Variants in SPHKAP observed in about 807,000 individuals in gnomAD.
SPHKAP encodes SPHK1 interactor, AKAP domain containing.
Under a neutral mutation model 137.5 loss-of-function variants are expected in SPHKAP, and 67 were observed. The ratio of observed to expected loss-of-function variants is 0.49; its 90% CI spans 0.40 to 0.60. The LOEUF is 0.60. SPHKAP is among the 20% of genes least tolerant of loss of function. The pLI is 0.00. For synonymous variants in SPHKAP, 813 were observed against 785.3 expected, an observed-to-expected ratio of 1.04 and a Z score of -0.59; for missense variants, 2,097 against 2,069.3, an observed-to-expected ratio of 1.01 and a Z score of -0.26.
At chr2:228,178,309 T>C (rs1023584020) in intron 1 of SPHKAP, among the ~76,000 whole-genome samples, 4 of 152,232 alleles carry the variant, frequency 2.6e-5, no homozygotes, top group Admixed American at 6.5e-5. Context: ...TTAATTTCCT[T>C]TGGCTTCAGA....
intron 3 of SPHKAP, among the ~76,000 whole-genome samples, chr2:228,045,275 G>A (rs12999398): frequency 0.36 from 52,778 of 144,648 alleles, 10,001 homozygotes; most frequent in Middle Eastern, 0.49. Context: ...TATAAATCAT[G>A]CTGCTATAAA....
chr2:228,181,430 C>T lies in SPHKAP; in HGVS notation c.32+137G>A, dbSNP rs1700908991. ...AGCGAGGCTGGGCCGGACTTATTTA[C>T]AAGTGCAGTGACCCCTGTCTCCTCG... On this transcript the variant is annotated intron_variant, in intron 1 of 11. Coordinates refer to ENST00000392056, the MANE Select transcript of SPHKAP (RefSeq NM_001142644.2). This position sits in a 1 kb window ranked among gnomAD's most constrained non-coding sequence, Gnocchi z 4.3. The T allele has an allele frequency of 8.2e-7, 1 of 1,222,838 alleles. No homozygotes were observed. Among genetic ancestry groups the T allele is most frequent in the African/African-American group, 1.5e-5 (1 of 67,060 alleles). The allele number at this position is 1,222,838 out of a possible 1,614,324, so 75.7% of individuals were successfully genotyped here.
chr2:227,989,095 T>C (rs1359693351), intron 11 of SPHKAP, among the ~76,000 whole-genome samples: 1 of 152,218 alleles, frequency 6.6e-6, no homozygotes, highest in African/African-American at 2.4e-5. Context: ...TTCTAACTAC[T>C]GTAAGCAGGG....
intron 2 of SPHKAP, among the ~76,000 whole-genome samples, chr2:228,130,817 A>G (rs2106374138): frequency 6.6e-6 from 1 of 152,236 alleles, no homozygotes; most frequent in Admixed American, 6.5e-5. Context: ...TAAAAAGTGG[A>G]ATTTATAGCA....
Position 227,995,561 on chromosome 2 carries a change from C to T in SPHKAP, c.4582G>A (p.Asp1528Asn), listed in dbSNP as rs767681152. ...GSWTQLANEE[D>N]NPDDTSSFLQ... ...AAGCTACTTGTGTCATCTGGGTTGT[C>T]TTCCTCATTGGCAAGCTGGGTCCAG... Residue 1528 changes from aspartate to asparagine, a missense_variant, in exon 8 of 12, where the codon GAC (aspartate) becomes AAC (asparagine). By Grantham distance (23) the Asp-to-Asn change is conservative. Coordinates refer to ENST00000392056, the MANE Select transcript of SPHKAP (RefSeq NM_001142644.2). 6.2e-7 allele frequency: 1 copy of T among 1,614,128 alleles called. No homozygotes were observed. The highest frequency in any genetic ancestry group is 1.7e-5 in the Admixed American group (1 of 60,020).
chr2:228,029,798 C>T (rs902112356), intron 3 of SPHKAP, among the ~76,000 whole-genome samples: 14 of 152,128 alleles, frequency 9.2e-5, no homozygotes, highest in African/African-American at 3.4e-4. Context: ...TAACATGCAG[C>T]TGGCACTGGT....
chr2:228,070,447 C>A (rs1033512078), intron 3 of SPHKAP, among the ~76,000 whole-genome samples: 1 of 151,882 alleles, frequency 6.6e-6, no homozygotes, highest in Non-Finnish European at 1.5e-5. Flanking sequence ...TTCACTTTTT[C>A]ATTTCTGTAA....
intron 1 of SPHKAP, among the ~76,000 whole-genome samples, chr2:228,176,114 C>T (rs1479537877): frequency 1.3e-5 from 2 of 152,188 alleles, no homozygotes; most frequent in Non-Finnish European, 2.9e-5. Flanking sequence ...AAGCATTTTG[C>T]CCCAGAGTGG....
intron 3 of SPHKAP, among the ~76,000 whole-genome samples, chr2:228,092,305 G>T (rs1266895275): frequency 1.0e-5 from 1 of 98,492 alleles, no homozygotes; most frequent in African/African-American, 3.8e-5. Flanking sequence ...GCACACACAC[G>T]TGTATGTGTG....
chr2:228,093,467 T>C (rs1383432492), intron 3 of SPHKAP, among the ~76,000 whole-genome samples: 1 of 152,148 alleles, frequency 6.6e-6, no homozygotes, highest in Non-Finnish European at 1.5e-5. Context: ...TGATACATAA[T>C]ATGACATGAA....
intron 1 of SPHKAP, among the ~76,000 whole-genome samples, chr2:228,166,686 T>C (rs1315704619): frequency 1.3e-5 from 2 of 152,194 alleles, no homozygotes; most frequent in Admixed American, 6.5e-5. Flanking sequence ...ATCATTAATA[T>C]TTTCACACAT....
At chr2:228,027,335 GTAAGTGC>G in intron 4 of SPHKAP, 142 bp downstream of exon 4, 1 of 774,788 alleles carries the variant, frequency 1.3e-6, no homozygotes. Context: ...ACGGTAGAGG[GTAAGTGC>G]TAGGGAAAGG....
chr2:228,078,322 G>A (rs1574829202), intron 3 of SPHKAP, among the ~76,000 whole-genome samples: 1 of 151,560 alleles, frequency 6.6e-6, no homozygotes, highest in East Asian at 1.9e-4. Context: ...TCAACACAGA[G>A]AAGTAGTATT....
chr2:228,056,184 GTTGT>G (rs971474600), intron 3 of SPHKAP, among the ~76,000 whole-genome samples: 20 of 152,264 alleles, frequency 1.3e-4, no homozygotes, highest in Admixed American at 1.2e-3. Flanking sequence ...TATAGAAACG[GTTGT>G]TTAATTATTT....
chr2:228,133,230 C>T (rs909171175), intron 1 of SPHKAP, among the ~76,000 whole-genome samples: 2 of 151,850 alleles, frequency 1.3e-5, no homozygotes, highest in African/African-American at 2.4e-5. Flanking sequence ...TAGCTTGAAC[C>T]CAGGAGGTGG....
In SPHKAP at chr2:228,037,284, C is replaced by T. The variant is rs145246916; in HGVS notation, c.247-9741G>A. On this transcript the variant is annotated intron_variant, in intron 3 of 11. Coordinates refer to ENST00000392056, the MANE Select transcript of SPHKAP (RefSeq NM_001142644.2). ...ATGAATGCCCACAAGGAGAAAATTT[C>T]TGGTTGACTGGGCATCAAAGAGGAC... Among the ~76,000 whole-genome samples, 6 of 152,252 alleles carry T rather than the reference C, an allele frequency of 3.9e-5. No homozygotes were observed. The East Asian group carries it at 1.2e-3, about 29-fold the overall frequency.
intron 3 of SPHKAP, among the ~76,000 whole-genome samples, chr2:228,072,092 A>T (rs1156679088): frequency 6.6e-6 from 1 of 152,182 alleles, no homozygotes; most frequent in African/African-American, 2.4e-5. Flanking sequence ...AGGAAGGGTG[A>T]ATCTGCTCTC....
chr2:228,082,285 C>T (rs752608135), intron 3 of SPHKAP, among the ~76,000 whole-genome samples: 3 of 152,178 alleles, frequency 2.0e-5, no homozygotes, highest in Admixed American at 6.6e-5. Flanking sequence ...TGAGTTCAGG[C>T]TCAGATTTCA....
At chr2:228,075,560 T>C (rs911756845) in intron 3 of SPHKAP, among the ~76,000 whole-genome samples, 3 of 152,140 alleles carry the variant, frequency 2.0e-5, no homozygotes, top group Non-Finnish European at 4.4e-5. Flanking sequence ...TTAGGGCTTA[T>C]AGGACTAAAA....
Sources: gnomAD v4.1 joint callset for allele counts (sites outside exome capture counted in the v4.1 genomes callset) on GRCh38, gnomAD v4.1.1 for gene constraint, Gnocchi (gnomAD v3.1) non-coding constraint, MANE v1.5 for transcripts, NCBI Gene and HGNC (gene_info 2026-07-23, HGNC 2026-07-21) for gene names.